MUTYH: variants seen among roughly 807,000 people sequenced by gnomAD.
MUTYH encodes mutY DNA glycosylase.
Under a neutral mutation model 72.9 loss-of-function variants are expected in MUTYH, and 64 were observed. The observed-to-expected ratio is 0.88, with a 90% CI of 0.72 to 1.08. MUTYH has a LOEUF of 1.08. Ranked by LOEUF, MUTYH falls within the 50% of genes least tolerant of loss-of-function variation. The pLI is 0.00. For missense variants in MUTYH, 633 were observed against 671.0 expected, an observed-to-expected ratio of 0.94 and a Z score of 0.63; for synonymous variants, 234 against 263.1, an observed-to-expected ratio of 0.89 and a Z score of 1.07.
intron 14 of MUTYH, among the ~76,000 whole-genome samples, chr1:45,330,950 T>C (rs1644710960): frequency 6.6e-6 from 1 of 152,006 alleles, no homozygotes; most frequent in Non-Finnish European, 1.5e-5. Flanking sequence ...CCAGGCATGG[T>C]GGCGGGCGCC....
upstream of MUTYH, chr1:45,340,193 G>T (rs778337668): frequency 1.9e-6 from 3 of 1,613,238 alleles, no homozygotes; most frequent in African/African-American, 4.0e-5. Context: ...AACCGCGCCA[G>T]GAGACGGACC....
rs1644883947 is a variant in MUTYH at position 45,331,645 on chromosome 1, C to T, written c.1102+16G>A. Reference sequence around the variant, plus strand: ...GTTACTCATGCCACTGCCCTCCACGCCCAGTATCCAGGTACCTGAGTTGGG... The same window carrying T: ...GTTACTCATGCCACTGCCCTCCACGTCCAGTATCCAGGTACCTGAGTTGGG... On this transcript the variant is annotated intron_variant, in intron 12 of 15. Transcript: ENST00000456914. 1.5e-5 allele frequency: 24 copies of T among 1,613,618 alleles called. No individual in the cohort carries two copies. Among genetic ancestry groups the T allele is most frequent in the Non-Finnish European group, 2.0e-5 (24 of 1,180,036 alleles).
intron 1 of MUTYH, among the ~76,000 whole-genome samples, chr1:45,336,984 T>C (rs1032973539): frequency 6.6e-6 from 1 of 152,138 alleles, no homozygotes; most frequent in Non-Finnish European, 1.5e-5. Context: ...TCCCCTTGGC[T>C]CGTAACACAA....
At chr1:45,340,142 G>A, upstream of MUTYH, 1 of 1,581,824 alleles carries the variant, frequency 6.3e-7, no homozygotes, top group Non-Finnish European at 8.6e-7. Flanking sequence ...CGACCCATCG[G>A]CGACCCGACG....
At chr1:45,335,878 G>C (rs1186734406) in intron 1 of MUTYH, among the ~76,000 whole-genome samples, 1 of 152,000 alleles carries the variant, frequency 6.6e-6, no homozygotes, top group African/African-American at 2.4e-5. Flanking sequence ...CTGAACTCAA[G>C]AAGCCGCAAG....
chr1:45,330,420 G>A, intron 15 of MUTYH, 96 bp downstream of exon 15: 1 of 1,336,378 alleles, frequency 7.5e-7, no homozygotes, highest in South Asian at 1.3e-5. Flanking sequence ...AGCCTGGAGT[G>A]GAGAATGTTC....
Position 45,333,100 on chromosome 1 carries a change from C to CATCCAT in MUTYH, c.369_374dup (p.Trp124_Met125insIleTrp), listed in dbSNP as rs876660190. 4 of 1,614,188 alleles carry CATCCAT rather than the reference C, an allele frequency of 2.5e-6. No individual in the cohort carries two copies. The highest frequency in any genetic ancestry group is 3.4e-6 in the Non-Finnish European group (4 of 1,180,020). Reference sequence around the variant, plus strand: ...TCCCTTCCTCCCCTGGAGTCACCTGCATCCATCCGGTATAGTAGTTGATCA... The same window carrying CATCCAT: ...TCCCTTCCTCCCCTGGAGTCACCTGCATCCATATCCATCCGGTATAGTAGTTGATCA... On this transcript the variant is annotated inframe_insertion, in exon 5 of 16. Coordinates refer to ENST00000456914, the MANE Select transcript of MUTYH (RefSeq NM_001048174.2).
chr1:45,339,253 T>C (rs1381381618), intron 1 of MUTYH, among the ~76,000 whole-genome samples: 1 of 142,344 alleles, frequency 7.0e-6, no homozygotes, highest in African/African-American at 2.7e-5. Flanking sequence ...TCTTGTTGCC[T>C]AGGCTGAAGT....
intron 14 of MUTYH, among the ~76,000 whole-genome samples, chr1:45,330,889 A>G (rs950081912): frequency 5.9e-5 from 9 of 152,038 alleles, no homozygotes; most frequent in Non-Finnish European, 4.4e-5. Flanking sequence ...GTTGGAGACC[A>G]GCCTGGCCAG....
intron 1 of MUTYH, chr1:45,339,685 G>C: frequency 4.0e-6 from 2 of 501,996 alleles, no homozygotes; most frequent in Non-Finnish European, 7.1e-6. Context: ...TTACACCCTG[G>C]GCAGCCTCCT....
In MUTYH at chr1:45,333,164, A is replaced by C; in HGVS notation, c.311T>G (p.Val104Gly). Residue 104 changes from valine (V) to glycine (G), a missense_variant, in exon 5 of 16, where the codon GTC becomes GGC. Transcript: ENST00000456914. The stretch of plus-strand genomic sequence containing the variant: ...GGTCTGCTGCAGCATGACCTCTGAG[A>C]CCCACACTGGGGGAAAGGGGTTGGC... ...DLDRRAYAVW[V>G]SEVMLQQTQV... 1 of 1,614,054 alleles carries C rather than the reference A, an allele frequency of 6.2e-7. No homozygotes were observed.
At position 45,334,388 on chromosome 1, in the gene MUTYH, T is replaced by C. The variant is rs1553131280; in HGVS notation, c.115+3A>G. The stretch of plus-strand genomic sequence containing the variant: ...AGCCTTGGGCCACAACCTAGTTCCT[T>C]ACCATCACAGGCAGAAGGCTTGGCC... On this transcript the variant is annotated splice_donor_region_variant and intron_variant, in intron 2 of 15. Coordinates refer to ENST00000456914, the MANE Select transcript of MUTYH (RefSeq NM_001048174.2). 1.9e-6 allele frequency: 3 copies of C among 1,614,048 alleles called. No homozygotes were observed. The highest frequency in any genetic ancestry group is 2.5e-6 in the Non-Finnish European group (3 of 1,179,948).
chr1:45,339,780 G>T, intron 1 of MUTYH, 119 bp downstream of exon 1: 1 of 1,184,252 alleles, frequency 8.4e-7, no homozygotes, highest in Non-Finnish European at 1.1e-6. Context: ...TGCCCAGAAC[G>T]CCCTTCTTTC....
At chr1:45,331,068 G>A (rs143032909) in intron 14 of MUTYH, 114 bp downstream of exon 14, 7 of 1,423,396 alleles carry the variant, frequency 4.9e-6, no homozygotes, top group South Asian at 1.2e-5. Context: ...CTGGGCAACA[G>A]AGCGATTCTC....
intron 14 of MUTYH, 90 bp from the exon 15 acceptor site, chr1:45,330,647 T>C: frequency 6.9e-7 from 1 of 1,452,914 alleles, no homozygotes; most frequent in Non-Finnish European, 9.5e-7. Flanking sequence ...CCCAGTACTT[T>C]TGTTTAAAAT....
At chr1:45,334,190 T>C (rs1320916278) in intron 2 of MUTYH, 3 of 666,722 alleles carry the variant, frequency 4.5e-6, no homozygotes, top group Admixed American at 2.3e-5. Flanking sequence ...GATTTCGCCA[T>C]GTTACCCAAG....
At position 45,337,500 on chromosome 1, in the gene MUTYH, TCTCC is replaced by T. The variant is rs1646077958; in HGVS notation, c.-7+2395_-7+2398del. On this transcript the variant is annotated intron_variant, in intron 1 of 15. Coordinates refer to ENST00000456914, the MANE Select transcript of MUTYH (RefSeq NM_001048174.2). Reference sequence around the variant, plus strand: ...TTATTTTCTTTCTTTTCTCTTTTTTTCTCCCTCCCTCTTTCCTTCCTTCCTTTTT... The same window carrying T: ...TTATTTTCTTTCTTTTCTCTTTTTTTCTCCCTCTTTCCTTCCTTCCTTTTT... Among the ~76,000 whole-genome samples, 6 of 152,226 alleles carry T rather than the reference TCTCC, an allele frequency of 3.9e-5. No homozygotes were observed. In the South Asian group the frequency reaches 1.2e-3, roughly 32 times the overall value.
In MUTYH at chr1:45,332,490, T is replaced by G. The variant is rs1361763237; in HGVS notation, c.607-2A>C. 6.2e-7 allele frequency: 1 copy of G among 1,614,066 alleles called. No homozygotes were observed. The highest frequency in any genetic ancestry group is 1.7e-5 in the Admixed American group (1 of 60,014). ...GTTGCCATCCACCACACCGGTTGCC[T>G]GGCACAGAGGGGCCAAAGAGTTAGC... On this transcript the variant is annotated splice_acceptor_variant, in intron 8 of 15. Transcript: ENST00000456914. LOFTEE classifies it high-confidence loss of function.
At chr1:45,334,081 A>G (rs527822269) in intron 2 of MUTYH, 26 of 401,690 alleles carry the variant, frequency 6.5e-5, no homozygotes, top group African/African-American at 5.1e-4. Flanking sequence ...ATCTTGACTC[A>G]GTGCAACTTC....
Sources: allele counts gnomAD v4.1 joint callset (sites outside exome capture counted in the v4.1 genomes callset), GRCh38; gene constraint gnomAD v4.1.1; transcripts MANE v1.5; gene names NCBI Gene and HGNC (gene_info 2026-07-23, HGNC 2026-07-21).